TBC1D5: variants seen among roughly 807,000 people sequenced by gnomAD.
The protein encoded by TBC1D5 is TBC1 domain family, member 5.
Under a neutral mutation model 100.3 loss-of-function variants are expected in TBC1D5, and 75 were observed. The observed-to-expected ratio is 0.75, with a 90% confidence interval of 0.62 to 0.91. The LOEUF (loss-of-function observed/expected upper bound fraction) is 0.91. Among genes scored for constraint, TBC1D5 ranks in the 40% least tolerant of loss-of-function variants. TBC1D5 has a pLI of 0.00. For missense variants in TBC1D5, 910 were observed against 942.4 expected (o/e 0.97, Z 0.45); for synonymous variants, 323 against 325.6 (o/e 0.99, Z 0.09).
chr3:17,484,907 A>C (rs571488273), intron 3 of TBC1D5, among the ~76,000 whole-genome samples: 18 of 152,204 alleles, frequency 1.2e-4, no homozygotes, highest in South Asian at 1.0e-3. Flanking sequence ...ACCCACATTC[A>C]CTCTACTTGA....
At chr3:17,441,902 G>A (rs2094667546) in intron 3 of TBC1D5, among the ~76,000 whole-genome samples, 1 of 152,088 alleles carries the variant, frequency 6.6e-6, no homozygotes, top group African/African-American at 2.4e-5. Flanking sequence ...GTTACTAGTA[G>A]GATTTCCAGT....
At chr3:17,576,561 T>G (rs868773831) in intron 2 of TBC1D5, 2 of 152,040 alleles carry the variant, frequency 1.3e-5, no homozygotes, top group South Asian at 4.1e-4. Flanking sequence ...TAAAACAAAA[T>G]GGATAAATAT....
At chr3:17,261,489 G>C (rs1244529871) in intron 15 of TBC1D5, among the ~76,000 whole-genome samples, 2 of 151,388 alleles carry the variant, frequency 1.3e-5, no homozygotes, top group Non-Finnish European at 2.9e-5. Context: ...TGGGGTGGGG[G>C]GGGAGACAGG....
chr3:17,466,448 TAAGACAGCC>T (rs1209521270), intron 3 of TBC1D5, among the ~76,000 whole-genome samples: 2 of 152,220 alleles, frequency 1.3e-5, no homozygotes, highest in Non-Finnish European at 2.9e-5. Context: ...CTCAGGCAGT[TAAGACAGCC>T]AATGTGTAAG....
intron 13 of TBC1D5, 95 bp downstream of exon 13, chr3:17,371,980 T>C: frequency 2.4e-6 from 3 of 1,232,524 alleles, no homozygotes; most frequent in Non-Finnish European, 3.2e-6. Context: ...GAGTTTGCAG[T>C]AAGCCAAGAT....
At chr3:17,404,533 T>C (rs539631053) in intron 7 of TBC1D5, among the ~76,000 whole-genome samples, 161 bp downstream of exon 7, 77 of 152,200 alleles carry the variant, frequency 5.1e-4, no homozygotes, top group African/African-American at 1.6e-3. Context: ...TATATATATG[T>C]AATGTAAAAT....
At chr3:17,307,743 T>C (rs2083540955) in intron 14 of TBC1D5, among the ~76,000 whole-genome samples, 1 of 152,158 alleles carries the variant, frequency 6.6e-6, no homozygotes, top group South Asian at 2.1e-4. Flanking sequence ...GTAAAGTCTT[T>C]AGAAAAATGG....
intron 2 of TBC1D5, among the ~76,000 whole-genome samples, chr3:17,591,071 C>T (rs1013176832): frequency 2.6e-5 from 4 of 151,456 alleles, no homozygotes; most frequent in African/African-American, 9.7e-5. Flanking sequence ...TCCGTCTCTA[C>T]TAAAAATACA....
rs767724010 is a variant in TBC1D5 at position 17,473,266 on chromosome 3, C to T, written c.97+35208G>A. Among the ~76,000 whole-genome samples, 41 of 152,084 alleles carry T rather than the reference C, an allele frequency of 2.7e-4. No homozygotes were observed. The Middle Eastern group carries it at 0.014, about 50-fold the overall frequency. On this transcript the variant is annotated intron_variant, in intron 3 of 21. Coordinates refer to ENST00000253692, the Ensembl canonical transcript of TBC1D5. Reference sequence around the variant, plus strand: ...TGTCTATTATAAGTTTTTTAAGTGTCGATACCTTGAAAGCATATCCGAATA... The same window carrying T: ...TGTCTATTATAAGTTTTTTAAGTGTTGATACCTTGAAAGCATATCCGAATA...
At position 17,247,072 on chromosome 3, in the gene TBC1D5, T is replaced by C. The variant is rs573217060; in HGVS notation, c.1332-8653A>G. Among the ~76,000 whole-genome samples the C allele has an allele frequency of 7.2e-5, 11 of 152,276 alleles. No homozygotes were observed. In the South Asian group the frequency reaches 1.9e-3, roughly 26 times the overall value. On this transcript the variant is annotated intron_variant, in intron 16 of 21. Coordinates refer to ENST00000253692, the Ensembl canonical transcript of TBC1D5. ...TCAGTCTGACCTCTCTGGGCAGGAATTGGAGACTGGGTAGGTAAGGTTAGT... is the reference window on the plus strand; with the variant it reads ...TCAGTCTGACCTCTCTGGGCAGGAACTGGAGACTGGGTAGGTAAGGTTAGT...
chr3:17,657,721 A>G (rs1483129413), intron 1 of TBC1D5, among the ~76,000 whole-genome samples: 1 of 152,182 alleles, frequency 6.6e-6, no homozygotes, highest in Non-Finnish European at 1.5e-5. Context: ...CTGCCTCTTT[A>G]GAGACTTTAC....
chr3:17,421,853 G>GTATT (rs1456506361), intron 4 of TBC1D5, among the ~76,000 whole-genome samples: 3 of 152,118 alleles, frequency 2.0e-5, no homozygotes, highest in African/African-American at 7.2e-5. Context: ...CCTAAATCAT[G>GTATT]TATTTATTCT....
chr3:17,709,563 A>C (rs1436287407), intron 1 of TBC1D5, among the ~76,000 whole-genome samples: 1 of 152,150 alleles, frequency 6.6e-6, no homozygotes, highest in Non-Finnish European at 1.5e-5. Flanking sequence ...GCAATCTTAT[A>C]TGGGTTTCTG....
intron 2 of TBC1D5, among the ~76,000 whole-genome samples, chr3:17,583,551 C>A (rs1236266142): frequency 6.6e-6 from 1 of 152,086 alleles, no homozygotes; most frequent in Non-Finnish European, 1.5e-5. Flanking sequence ...CATGGAAAAA[C>A]CCCGTCTCTA....
At chr3:17,167,970 C>T (rs939809911) in intron 19 of TBC1D5, 142 bp from the exon 21 acceptor site, 14 of 633,676 alleles carry the variant, frequency 2.2e-5, no homozygotes, top group Middle Eastern at 5.3e-4. Flanking sequence ...CTGCAAACTG[C>T]GGATGGGGAA....
intron 2 of TBC1D5, among the ~76,000 whole-genome samples, chr3:17,523,890 T>TATCTGTA (rs1383196165): frequency 1.3e-5 from 2 of 152,196 alleles, no homozygotes; most frequent in African/African-American, 4.8e-5. Flanking sequence ...AAACATAGTT[T>TATCTGTA]ATCTGTGTAT....
intron 19 of TBC1D5, among the ~76,000 whole-genome samples, chr3:17,173,609 T>A (rs2067381710): frequency 6.6e-6 from 1 of 152,216 alleles, no homozygotes; most frequent in South Asian, 2.1e-4. Flanking sequence ...AGCTTTCTAT[T>A]TCTGCATACT....
rs568068340 is a variant in TBC1D5 at position 17,458,476 on chromosome 3, G to A, written c.98-29957C>T. Among the ~76,000 whole-genome samples, 4 of 152,164 alleles carry A rather than the reference G, an allele frequency of 2.6e-5. No individual in the cohort carries two copies. In the South Asian group the frequency reaches 8.3e-4, roughly 32 times the overall value. Reference sequence around the variant, plus strand: ...ATAAACAAGCCTGCAAGAGGGTGTGGGTTCCCTCTGTATTTGTGGCTCCCA... The same window carrying A: ...ATAAACAAGCCTGCAAGAGGGTGTGAGTTCCCTCTGTATTTGTGGCTCCCA... On this transcript the variant is annotated intron_variant, in intron 3 of 21. Transcript: ENST00000253692.
intron 1 of TBC1D5, among the ~76,000 whole-genome samples, chr3:17,634,732 T>C (rs1469607993): frequency 1.3e-5 from 2 of 151,178 alleles, no homozygotes; most frequent in African/African-American, 2.4e-5. Flanking sequence ...CTTAAAAGAA[T>C]AGTTGGATTG....
Sources: allele counts gnomAD v4.1 joint callset (sites outside exome capture counted in the v4.1 genomes callset), GRCh38; gene constraint gnomAD v4.1.1; transcripts MANE v1.5; gene names NCBI Gene and HGNC (gene_info 2026-07-23, HGNC 2026-07-21).